The following VPS13A variants were observed in gnomAD, a reference collection of about 807,000 sequenced individuals.
The protein encoded by VPS13A is intermembrane lipid transfer protein VPS13A.
VPS13A carries 264 observed loss-of-function variants against 390.9 expected under a neutral mutation model. That is an observed-to-expected ratio of 0.68 (90% CI 0.61 to 0.75). VPS13A has a LOEUF of 0.75. VPS13A is among the 30% of genes least tolerant of loss of function. The pLI, the probability that VPS13A is intolerant of heterozygous loss-of-function variation, is 0.00. For synonymous variants in VPS13A, 1,231 were observed against 1,227.1 expected (o/e 1.00, Z -0.07); for missense variants, 3,409 against 3,733.9 (o/e 0.91, Z 2.27).
chr9:77,181,685 A>G (rs957028307), intron 1 of VPS13A, among the ~76,000 whole-genome samples: 3 of 152,208 alleles, frequency 2.0e-5, no homozygotes, highest in Admixed American at 6.5e-5. Context: ...AATAGTATCA[A>G]TTAGTATTCA....
intron 54 of VPS13A, among the ~76,000 whole-genome samples, chr9:77,354,887 T>C (rs1164097787): frequency 1.3e-5 from 2 of 152,166 alleles, no homozygotes; most frequent in East Asian, 1.9e-4. Flanking sequence ...ACAGTAGATA[T>C]ATGTGCTCCT....
chr9:77,339,489 GTT>G (rs765264048), intron 47 of VPS13A, 25 bp from the exon 48 acceptor site: 1 of 1,121,874 alleles, frequency 8.9e-7, no homozygotes, highest in South Asian at 1.7e-5. Flanking sequence ...TTTAAATTTT[GTT>G]TTGTTTTTTT....
intron 39 of VPS13A, among the ~76,000 whole-genome samples, 176 bp from the exon 40 acceptor site, chr9:77,317,430 T>C (rs1289762510): frequency 6.6e-6 from 1 of 152,146 alleles, no homozygotes. Context: ...AGAACAGATA[T>C]TAGGTTCTAG....
rs765856539 is a variant in VPS13A, at chr9:77,220,040, A to G, written c.841A>G (p.Ile281Val). The change falls in exon 11 of 72, where the codon ATT becomes GTT. Residue 281 changes from isoleucine (I) to valine (V), a missense_variant. Physicochemically the swap from Ile to Val is conservative, Grantham distance 29. Transcript: ENST00000360280. Reference sequence around the variant, plus strand: ...TTCTGCCCCCAAAATAAACTTGGAAATTGAGTTACATAACATAGCAATTGA... The same window carrying G: ...TTCTGCCCCCAAAATAAACTTGGAAGTTGAGTTACATAACATAGCAATTGA... ...DFSAPKINLE[I>V]ELHNIAIEFN... 1.2e-5 allele frequency: 19 copies of G among 1,612,488 alleles called. No individual in the cohort carries two copies. The highest frequency in any genetic ancestry group is 1.6e-5 in the Non-Finnish European group (19 of 1,178,698).
chr9:77,274,333 C>A (rs974936428), intron 24 of VPS13A, among the ~76,000 whole-genome samples: 1 of 149,498 alleles, frequency 6.7e-6, no homozygotes, highest in Non-Finnish European at 1.5e-5. Flanking sequence ...GAAGCTGAGG[C>A]AGGAGAATCG....
intron 21 of VPS13A, among the ~76,000 whole-genome samples, chr9:77,251,076 A>G (rs1169189832): frequency 6.6e-6 from 1 of 152,248 alleles, no homozygotes; most frequent in Admixed American, 6.5e-5. Context: ...CAAAATTGTT[A>G]ATTTGTATAG....
chr9:77,298,743 C>T (rs1191343342), intron 33 of VPS13A, among the ~76,000 whole-genome samples: 1 of 152,060 alleles, frequency 6.6e-6, no homozygotes, highest in Non-Finnish European at 1.5e-5. Flanking sequence ...CCATAATTCC[C>T]ACATGTTGTG....
At chr9:77,413,710 G>A (rs1015333058) in intron 71 of VPS13A, among the ~76,000 whole-genome samples, 1 of 152,110 alleles carries the variant, frequency 6.6e-6, no homozygotes, top group South Asian at 2.1e-4. Context: ...AACACCAAAA[G>A]CAATGGCAAC....
chr9:77,207,494 G>C (rs1004947397), intron 5 of VPS13A, among the ~76,000 whole-genome samples: 3 of 150,160 alleles, frequency 2.0e-5, no homozygotes, highest in Non-Finnish European at 3.0e-5. Flanking sequence ...GGTTAAATCA[G>C]AATTCATTGT....
At position 77,418,349 on chromosome 9, in the gene VPS13A, TATG is replaced by T. The variant is rs1201630085; in HGVS notation, c.*2346_*2348del. On this transcript the variant is annotated 3_prime_UTR_variant, in exon 72 of 72. Coordinates refer to ENST00000360280, the MANE Select transcript of VPS13A (RefSeq NM_033305.3). ...TTCCAGCACAGCATGTCTTCTGGTC[TATG>T]ATAATTGTGTGAGGACTAAGGCAGA... 1 of 152,208 alleles carries T rather than the reference TATG, an allele frequency of 6.6e-6. No individual in the cohort carries two copies. The highest frequency in any genetic ancestry group is 2.4e-5 in the African/African-American group (1 of 41,456). 9.4% of individuals were successfully genotyped at this position (152,208 alleles called of 1,614,324 possible).
chr9:77,273,184 T>G, intron 23 of VPS13A, 96 bp from the exon 24 acceptor site: 1 of 940,608 alleles, frequency 1.1e-6, no homozygotes, highest in Non-Finnish European at 1.6e-6. Flanking sequence ...GATAGCTTTT[T>G]GTCAAAACTG....
chr9:77,328,788 T>C (rs1405569367), intron 45 of VPS13A, among the ~76,000 whole-genome samples: 1 of 152,194 alleles, frequency 6.6e-6, no homozygotes, highest in East Asian at 1.9e-4. Flanking sequence ...GAGAATGTTA[T>C]AGCTGGTTTG....
intron 54 of VPS13A, among the ~76,000 whole-genome samples, chr9:77,355,413 C>T (rs1003298247): frequency 6.6e-6 from 1 of 152,154 alleles, no homozygotes; most frequent in East Asian, 1.9e-4. Context: ...TCATTGGTTC[C>T]TTGTCTTCTC....
intron 17 of VPS13A, among the ~76,000 whole-genome samples, chr9:77,231,374 C>T (rs1823823358): frequency 6.6e-6 from 1 of 152,130 alleles, no homozygotes; most frequent in Non-Finnish European, 1.5e-5. Flanking sequence ...TGGTCTGCAT[C>T]ATTTTACAAT....
chr9:77,244,666 G>T (rs1438564777), intron 19 of VPS13A, among the ~76,000 whole-genome samples: 1 of 152,120 alleles, frequency 6.6e-6, no homozygotes, highest in African/African-American at 2.4e-5. Flanking sequence ...TCTCTCCTGT[G>T]TTCTTTATCT....
At chr9:77,204,680 G>A (rs1340470383) in intron 3 of VPS13A, among the ~76,000 whole-genome samples, 1 of 152,118 alleles carries the variant, frequency 6.6e-6, no homozygotes, top group East Asian at 1.9e-4. Flanking sequence ...AGGCTGGAGG[G>A]CAGTAGCATG....
At chr9:77,191,336 G>A (rs1380958065) in intron 1 of VPS13A, among the ~76,000 whole-genome samples, 3 of 140,610 alleles carry the variant, frequency 2.1e-5, no homozygotes, top group Non-Finnish European at 3.0e-5. Flanking sequence ...CCCTGTTGCC[G>A]AGGCTGAAGT....
chr9:77,404,463 GTAAT>G (rs774294953), intron 69 of VPS13A, among the ~76,000 whole-genome samples: 1 of 152,046 alleles, frequency 6.6e-6, no homozygotes, highest in African/African-American at 2.4e-5. Context: ...CTAGACTTTT[GTAAT>G]TAATTACAGA....
At chr9:77,395,594 T>A (rs1834089063) in intron 68 of VPS13A, 1 of 152,170 alleles carries the variant, frequency 6.6e-6, no homozygotes, top group Non-Finnish European at 1.5e-5. Flanking sequence ...AACCTTCAAT[T>A]TGTAAAAAAC....
Sources: gnomAD v4.1 joint callset for allele counts (sites outside exome capture counted in the v4.1 genomes callset) on GRCh38, gnomAD v4.1.1 for gene constraint, MANE v1.5 for transcripts, NCBI Gene and HGNC (gene_info 2026-07-23, HGNC 2026-07-21) for gene names.